SNX29: variants seen among roughly 807,000 people sequenced by gnomAD.
SNX29 encodes the protein sorting nexin 29, also known as sorting nexin-29.
A neutral mutation model predicts 102.1 loss-of-function variants in SNX29; 78 were observed. That is an observed-to-expected ratio of 0.76 (90% CI 0.64 to 0.92). The LOEUF is 0.92. SNX29 is among the 40% of genes least tolerant of loss of function. The probability of loss-of-function intolerance (pLI) is 0.00; values close to 1 mark genes in which losing one functional copy is unlikely to be tolerated. For synonymous variants in SNX29, 580 were observed against 414.5 expected, an observed-to-expected ratio of 1.40 and a Z score of -4.85; for missense variants, 1,280 against 1,061.7, an observed-to-expected ratio of 1.21 and a Z score of -2.86.
chr16:12,550,565 G>GTA (rs1567177587), intron 20 of SNX29, among the ~76,000 whole-genome samples: 1 of 150,982 alleles, frequency 6.6e-6, no homozygotes, highest in East Asian at 1.9e-4. Flanking sequence ...CCAAATATGA[G>GTA]GATATATACT....
chr16:12,235,574 T>A (rs2077901686), intron 14 of SNX29, among the ~76,000 whole-genome samples: 1 of 152,106 alleles, frequency 6.6e-6, no homozygotes. Flanking sequence ...TATTGATATA[T>A]TTTCACCTGC....
chr16:12,412,009 A>G (rs1026611878), intron 18 of SNX29, among the ~76,000 whole-genome samples: 6 of 152,170 alleles, frequency 3.9e-5, no homozygotes, highest in African/African-American at 1.4e-4. Context: ...AGGGCTTTAC[A>G]TGGGCTGCAA....
chr16:12,055,235 C>CTTT lies in SNX29; in HGVS notation c.1124+3025_1124+3027dup, dbSNP rs201288834. Reference sequence around the variant, plus strand: ...CTGTTTCTGTGTCTCTGTTTCCTTTCTTTTTTTTTTTTTTCTGAGATGGAG... The same window carrying CTTT: ...CTGTTTCTGTGTCTCTGTTTCCTTTCTTTTTTTTTTTTTTTTTCTGAGATGGAG... On this transcript the variant is annotated intron_variant, in intron 8 of 20. Coordinates refer to ENST00000566228, the MANE Select transcript of SNX29 (RefSeq NM_032167.5). Among the ~76,000 whole-genome samples the CTTT allele has an allele frequency of 1.5e-3, 204 of 139,188 alleles. 1 individual carries two copies. Among genetic ancestry groups the CTTT allele is most frequent in the Middle Eastern group, 3.7e-3 (1 of 268 alleles). The allele number at this position is 139,188 out of a possible 152,430, so 91.3% of individuals were successfully genotyped here.
At chr16:12,511,975 T>C (rs150517706) in intron 19 of SNX29, among the ~76,000 whole-genome samples, 17 of 152,068 alleles carry the variant, frequency 1.1e-4, no homozygotes, top group Non-Finnish European at 2.2e-4. Context: ...CTGTGACCGT[T>C]CACTGAGGGG....
chr16:12,551,570 G>C (rs1007108943), intron 20 of SNX29, among the ~76,000 whole-genome samples: 5 of 152,190 alleles, frequency 3.3e-5, no homozygotes, highest in African/African-American at 1.2e-4. Context: ...GAGAAGCCCT[G>C]CTTTCAAAAG....
intron 15 of SNX29, among the ~76,000 whole-genome samples, chr16:12,307,496 C>T (rs965252730): frequency 1.3e-5 from 2 of 152,186 alleles, no homozygotes; most frequent in Non-Finnish European, 2.9e-5. Flanking sequence ...TGCTTTCATG[C>T]AGGGCTGGTC....
intron 13 of SNX29, among the ~76,000 whole-genome samples, chr16:12,143,417 GT>G (rs34308292): frequency 0.21 from 31,564 of 152,028 alleles, 3,650 homozygotes; most frequent in East Asian, 0.47. Context: ...GCTTCTCAGG[GT>G]TAGGGCAAGG....
chr16:12,370,824 T>A (rs544608657), intron 16 of SNX29, among the ~76,000 whole-genome samples: 2 of 152,362 alleles, frequency 1.3e-5, no homozygotes, highest in Admixed American at 6.5e-5. Flanking sequence ...CTGTCTCTTT[T>A]CTGGGCGACC....
At position 12,568,874 on chromosome 16, in the gene SNX29, T is replaced by A. The variant is rs2079123208; in HGVS notation, c.*245T>A. The A allele has an allele frequency of 1.7e-6, 1 of 589,480 alleles. No homozygotes were observed. Among genetic ancestry groups the A allele is most frequent in the South Asian group, 2.2e-5 (1 of 45,514 alleles). The allele number at this position is 589,480 out of a possible 1,614,324, so 36.5% of individuals were successfully genotyped here. A position where few individuals can be genotyped will look rare whatever the true frequency, so the allele number is the denominator to read the frequency against. ...GACTGGGACACACAGTCCTTCTGCT[T>A]CTGGGGTCTACCCTGGGCTGCAAGG... is the stretch of plus-strand genomic sequence containing the variant. On this transcript the variant is annotated 3_prime_UTR_variant, in exon 21 of 21. Transcript: ENST00000566228.
At chr16:12,559,334 C>G (rs2115104) in intron 20 of SNX29, among the ~76,000 whole-genome samples, 29,462 of 151,504 alleles carry the variant, frequency 0.19, 3,060 homozygotes, top group East Asian at 0.43. Flanking sequence ...TGTGAGGGAT[C>G]TAGGCTGCAT....
At chr16:12,199,580 T>A in intron 13 of SNX29, 21 bp from the exon 14 acceptor site, 1 of 1,593,718 alleles carries the variant, frequency 6.3e-7, no homozygotes, top group Non-Finnish European at 8.5e-7. Flanking sequence ...ATATATTTTT[T>A]TAACATTCTT....
chr16:12,243,476 C>G (rs150499364), intron 14 of SNX29, among the ~76,000 whole-genome samples: 74 of 152,326 alleles, frequency 4.9e-4, no homozygotes, highest in African/African-American at 1.4e-3. Context: ...GGCTCAGGGA[C>G]TCAGTACCGT....
chr16:12,280,630 C>T (rs917249677), intron 15 of SNX29, among the ~76,000 whole-genome samples: 5 of 152,182 alleles, frequency 3.3e-5, no homozygotes, highest in Non-Finnish European at 7.3e-5. Flanking sequence ...GCATTTACTG[C>T]ACCGGATTGA....
intron 15 of SNX29, among the ~76,000 whole-genome samples, chr16:12,303,665 C>T (rs2080252141): frequency 6.6e-6 from 1 of 152,198 alleles, no homozygotes; most frequent in Non-Finnish European, 1.5e-5. Flanking sequence ...TCCAGAGGTT[C>T]TGTACCTTAA....
chr16:12,412,255 A>G (rs964951288), intron 18 of SNX29, among the ~76,000 whole-genome samples: 2 of 152,214 alleles, frequency 1.3e-5, no homozygotes, highest in African/African-American at 4.8e-5. Flanking sequence ...TTATAGATGA[A>G]GCAGCTGTGA....
At chr16:12,241,829 A>G (rs931510602) in intron 14 of SNX29, among the ~76,000 whole-genome samples, 12 of 152,234 alleles carry the variant, frequency 7.9e-5, no homozygotes, top group African/African-American at 2.9e-4. Context: ...TGGGTCCATC[A>G]TCAGACTGTT....
At chr16:12,126,441 C>T (rs776460371) in intron 11 of SNX29, among the ~76,000 whole-genome samples, 192 bp from the exon 12 acceptor site, 26 of 152,220 alleles carry the variant, frequency 1.7e-4, no homozygotes, top group Non-Finnish European at 3.7e-4. Context: ...GACCTGACTT[C>T]AGAGACTGTG....
intron 19 of SNX29, among the ~76,000 whole-genome samples, chr16:12,515,182 T>C (rs557348085): frequency 6.6e-6 from 1 of 152,234 alleles, no homozygotes; most frequent in African/African-American, 2.4e-5. Context: ...TTCTCCCCTA[T>C]GGAAGACCTT....
chr16:12,372,026 C>G (rs936841363), intron 16 of SNX29, among the ~76,000 whole-genome samples: 10 of 152,166 alleles, frequency 6.6e-5, no homozygotes, highest in African/African-American at 2.4e-4. Context: ...AAATAATGCA[C>G]AACTATCTAG....
Sources: gnomAD v4.1 joint callset for allele counts (sites outside exome capture counted in the v4.1 genomes callset) on GRCh38, gnomAD v4.1.1 for gene constraint, MANE v1.5 for transcripts, NCBI Gene and HGNC (gene_info 2026-07-23, HGNC 2026-07-21) for gene names.